The following ANK3 variants were observed in gnomAD, a reference collection of about 807,000 sequenced individuals.
ANK3 encodes the protein ankyrin-3.
ANK3 carries 57 observed loss-of-function variants against 370.9 expected under a neutral mutation model. The ratio of observed to expected loss-of-function variants is 0.15; its 90% CI spans 0.12 to 0.19. The LOEUF (loss-of-function observed/expected upper bound fraction) is 0.19, where lower values mean the gene tolerates loss of function less well. Ranked by LOEUF, ANK3 falls within the 10% of genes least tolerant of loss-of-function variation. The pLI is 1.00. For missense variants in ANK3, 4,439 were observed against 5,302.1 expected, an observed-to-expected ratio of 0.84 and a Z score of 5.06; for synonymous variants, 1,929 against 1,946.3, an observed-to-expected ratio of 0.99 and a Z score of 0.23.
chr10:60,311,823 C>A (rs1264617076), intron 1 of ANK3, among the ~76,000 whole-genome samples: 1 of 152,182 alleles, frequency 6.6e-6, no homozygotes. Flanking sequence ...CTGAGAGGGG[C>A]TTTTCCTGGC....
intron 2 of ANK3, among the ~76,000 whole-genome samples, chr10:60,427,737 A>C (rs985998766): frequency 6.6e-6 from 1 of 152,186 alleles, no homozygotes; most frequent in African/African-American, 2.4e-5. Context: ...TTATTAAAAA[A>C]GGTAAACAAA....
chr10:60,252,943 T>C (rs2132611852), intron 7 of ANK3, among the ~76,000 whole-genome samples: 1 of 152,332 alleles, frequency 6.6e-6, no homozygotes, highest in Admixed American at 6.5e-5. Flanking sequence ...CCATGTCTTG[T>C]GGGCCAGGCA....
At chr10:60,634,038 A>C (rs2078519621) in intron 1 of ANK3, among the ~76,000 whole-genome samples, 1 of 152,224 alleles carries the variant, frequency 6.6e-6, no homozygotes, top group Non-Finnish European at 1.5e-5. Flanking sequence ...TATCTCAATT[A>C]TAATAAAGTC....
intron 43 of ANK3, among the ~76,000 whole-genome samples, chr10:60,032,248 CTGGAA>C (rs964800827): frequency 8.6e-6 from 1 of 115,742 alleles, no homozygotes. Flanking sequence ...GTCGCCCAGG[CTGGAA>C]TGGAATGGAA....
intron 1 of ANK3, among the ~76,000 whole-genome samples, chr10:60,350,150 G>A (rs2056551336): frequency 6.6e-6 from 1 of 152,182 alleles, no homozygotes; most frequent in African/African-American, 2.4e-5. Context: ...CTCTAGGAGG[G>A]GAGATAAGAC....
At chr10:60,057,568 G>A (rs2079457189) in intron 41 of ANK3, among the ~76,000 whole-genome samples, 1 of 152,082 alleles carries the variant, frequency 6.6e-6, no homozygotes, top group Non-Finnish European at 1.5e-5. Flanking sequence ...ATAGCTTTAT[G>A]ACTTTGGTTT....
chr10:60,495,121 G>C (rs77326228), intron 2 of ANK3, among the ~76,000 whole-genome samples: 46 of 152,176 alleles, frequency 3.0e-4, no homozygotes, highest in Non-Finnish European at 5.6e-4. Context: ...GTAGCAAAAA[G>C]TTCAGGTCAA....
At chr10:60,367,788 GC>G (rs2059588612) in intron 1 of ANK3, among the ~76,000 whole-genome samples, 1 of 152,204 alleles carries the variant, frequency 6.6e-6, no homozygotes, top group African/African-American at 2.4e-5. Flanking sequence ...TAAAAGGCGA[GC>G]TTTCTCTTTA....
intron 2 of ANK3, among the ~76,000 whole-genome samples, chr10:60,425,581 C>T (rs1434700465): frequency 1.3e-5 from 2 of 152,094 alleles, no homozygotes; most frequent in Non-Finnish European, 2.9e-5. Flanking sequence ...AAAGCCCTTC[C>T]TTAAGTAAAC....
chr10:60,698,298 T>C lies in ANK3; in HGVS notation c.57+34965A>G, dbSNP rs1366136627. On this transcript the variant is annotated intron_variant, in intron 1 of 43. Transcript: ENST00000373827. ...GAGAAATAGGAACACTTTTACACTG[T>C]TGGTGGGACTGTAAACTAGTTCAAC... Among the ~76,000 whole-genome samples, 1,406 of 150,268 alleles carry C rather than the reference T, an allele frequency of 9.4e-3. 13 individuals are homozygous for C. Among genetic ancestry groups the C allele is most frequent in the African/African-American group, 0.032 (1,314 of 40,532 alleles).
intron 25 of ANK3, among the ~76,000 whole-genome samples, chr10:60,124,983 A>T (rs1189073825): frequency 6.6e-6 from 1 of 152,214 alleles, no homozygotes; most frequent in African/African-American, 2.4e-5. Flanking sequence ...TGTGACGTGC[A>T]GTGGATATTG....
chr10:60,576,614 G>A (rs2077685912), intron 2 of ANK3, among the ~76,000 whole-genome samples: 1 of 152,220 alleles, frequency 6.6e-6, no homozygotes, highest in Non-Finnish European at 1.5e-5. Flanking sequence ...AGGTTAGGAT[G>A]TCATGCACTT....
At chr10:60,603,930 A>G (rs1210395549) in intron 2 of ANK3, among the ~76,000 whole-genome samples, 1 of 152,176 alleles carries the variant, frequency 6.6e-6, no homozygotes, top group Non-Finnish European at 1.5e-5. Context: ...GAAAATAGAT[A>G]ATTTAAATAT....
intron 2 of ANK3, among the ~76,000 whole-genome samples, chr10:60,509,758 C>T (rs191474818): frequency 7.9e-5 from 12 of 152,208 alleles, no homozygotes; most frequent in East Asian, 3.9e-4. Context: ...AGAAATAAAA[C>T]GCTTCAGTGG....
intron 1 of ANK3, among the ~76,000 whole-genome samples, chr10:60,673,723 C>T (rs1327999257): frequency 6.6e-6 from 1 of 152,194 alleles, no homozygotes. Context: ...ACACAAGTAT[C>T]TACTAAACTC....
At chr10:60,480,710 T>C (rs542880914) in intron 2 of ANK3, among the ~76,000 whole-genome samples, 24 of 152,322 alleles carry the variant, frequency 1.6e-4, no homozygotes, top group Admixed American at 1.4e-3. Context: ...CCAACTTGGT[T>C]ATTCACTACT....
chr10:60,613,319 A>G (rs2078225655), intron 2 of ANK3, among the ~76,000 whole-genome samples: 1 of 152,172 alleles, frequency 6.6e-6, no homozygotes, highest in African/African-American at 2.4e-5. Context: ...TAAGACCTAT[A>G]AAAGCCTATA....
chr10:60,559,985 G>A (rs1028372182), intron 2 of ANK3, among the ~76,000 whole-genome samples: 1 of 152,092 alleles, frequency 6.6e-6, no homozygotes, highest in Admixed American at 6.6e-5. Context: ...AGAGGTTGCA[G>A]TGACCCAAAA....
intron 2 of ANK3, among the ~76,000 whole-genome samples, chr10:60,563,161 G>A (rs1404579771): frequency 6.6e-6 from 1 of 151,986 alleles, no homozygotes; most frequent in African/African-American, 2.4e-5. Flanking sequence ...ATATCATCTT[G>A]AAAACCACCT....
Sources: allele counts gnomAD v4.1 joint callset (sites outside exome capture counted in the v4.1 genomes callset), GRCh38; gene constraint gnomAD v4.1.1; transcripts MANE v1.5; gene names NCBI Gene and HGNC (gene_info 2026-07-23, HGNC 2026-07-21).